The following TTC7A variants were observed in gnomAD, a reference collection of about 807,000 sequenced individuals.
The protein encoded by TTC7A is tetratricopeptide repeat domain 7A.
In TTC7A, 110 loss-of-function variants were observed where a neutral mutation model predicts 103.7. The observed-to-expected ratio is 1.06, with a 90% CI of 0.91 to 1.24. The LOEUF (loss-of-function observed/expected upper bound fraction) is 1.24. Ranked by LOEUF, TTC7A falls within the 50% of genes most tolerant of loss-of-function variation. The pLI is 0.00. For missense variants in TTC7A, 1,340 were observed against 1,116.3 expected (o/e 1.20, Z -2.86); for synonymous variants, 521 against 467.9 (o/e 1.11, Z -1.47).
intron 3 of TTC7A, among the ~76,000 whole-genome samples, chr2:46,967,883 CGA>C (rs1357771725): frequency 6.6e-6 from 1 of 152,046 alleles, no homozygotes; most frequent in Non-Finnish European, 1.5e-5. Context: ...GGTTTCCCCC[CGA>C]GAGCTGAATG....
chr2:46,936,859 ATTT>A (rs67502094), upstream of TTC7A, among the ~76,000 whole-genome samples: 2 of 142,880 alleles, frequency 1.4e-5, no homozygotes, highest in Non-Finnish European at 1.5e-5. Flanking sequence ...AGGATTCCAA[ATTT>A]TTTTTTTTTT....
intron 5 of TTC7A, among the ~76,000 whole-genome samples, chr2:46,986,849 C>T (rs925489799): frequency 2.0e-5 from 3 of 152,198 alleles, no homozygotes; most frequent in African/African-American, 7.2e-5. Context: ...CCACTGTGTA[C>T]GGTGGGTGGC....
intron 1 of TTC7A, chr2:46,917,153 T>G (rs1241344406): frequency 1.4e-6 from 1 of 700,556 alleles, no homozygotes; most frequent in Non-Finnish European, 2.6e-6. Flanking sequence ...AAAAATCCCA[T>G]AATCCCTAAT....
intron 19 of TTC7A, among the ~76,000 whole-genome samples, chr2:47,070,659 C>G (rs7605122): frequency 0.78 from 118,909 of 152,014 alleles, 46,657 homozygotes; most frequent in East Asian, 0.89. Context: ...AGCAGAGTCT[C>G]GAGCACTTGA....
intron 8 of TTC7A, among the ~76,000 whole-genome samples, chr2:46,997,212 C>T (rs1489773235): frequency 2.0e-5 from 3 of 152,082 alleles, no homozygotes; most frequent in Non-Finnish European, 4.4e-5. Context: ...CTCTTGACCT[C>T]AGGTGATCCA....
At chr2:46,952,576 C>A (rs1418746780) in intron 2 of TTC7A, among the ~76,000 whole-genome samples, 1 of 152,108 alleles carries the variant, frequency 6.6e-6, no homozygotes, top group Non-Finnish European at 1.5e-5. Flanking sequence ...CATGGTGAGA[C>A]CCCATCTCTA....
rs1406145118 is a variant in TTC7A at position 46,941,485 on chromosome 2, C to T, written c.-57C>T. ...CGAGTGCGCCCCAGCCAGGACGCCG[C>T]CCCCGGCCGGGTCTCCACTTCTTGG... On this transcript the variant is annotated 5_prime_UTR_variant, in exon 1 of 20. Coordinates refer to ENST00000319190, the MANE Select transcript of TTC7A (RefSeq NM_020458.4). The surrounding 1 kb of genome is among the most constrained non-coding windows in gnomAD (Gnocchi z 4.2). 3.3e-6 allele frequency: 5 copies of T among 1,521,090 alleles called. No homozygotes were observed. The highest frequency in any genetic ancestry group is 2.6e-5 in the East Asian group (1 of 37,878). 94.2% of individuals were successfully genotyped at this position (1,521,090 alleles called of 1,614,324 possible).
chr2:46,991,123 C>T (rs926814229), intron 5 of TTC7A, among the ~76,000 whole-genome samples: 1 of 151,970 alleles, frequency 6.6e-6, no homozygotes, highest in African/African-American at 2.4e-5. Context: ...ACCATGTTGG[C>T]CAGGCTGGTC....
chr2:47,034,293 C>G (rs1680877573), intron 15 of TTC7A: 1 of 152,248 alleles, frequency 6.6e-6, no homozygotes, highest in Non-Finnish European at 1.5e-5. Context: ...CAGGGGGCAG[C>G]AGCTCCCTAT....
At chr2:46,928,930 A>C (rs1669547033) in intron 2 of TTC7A, among the ~76,000 whole-genome samples, 1 of 152,194 alleles carries the variant, frequency 6.6e-6, no homozygotes, top group African/African-American at 2.4e-5. Context: ...TGGGAGGCTG[A>C]GGTGGGTGGA....
rs537662853 is a variant in TTC7A at position 47,047,684 on chromosome 2, A to C, written c.1919+1253A>C. ...TGGATGGCTGCTTGTCTCTTCCTCC[A>C]AGTGGTCAGTCGTGGTGGGACCCCT... On this transcript the variant is annotated intron_variant, in intron 16 of 19. Coordinates refer to ENST00000319190, the MANE Select transcript of TTC7A (RefSeq NM_020458.4). 2.0e-5 allele frequency among the ~76,000 whole-genome samples: 3 copies of C among 152,200 alleles called. 1 individual carries two copies. The highest frequency in any genetic ancestry group is 7.2e-5 in the African/African-American group (3 of 41,532).
At chr2:47,071,360 T>C (rs1166249429) in intron 19 of TTC7A, among the ~76,000 whole-genome samples, 2 of 152,088 alleles carry the variant, frequency 1.3e-5, no homozygotes, top group Admixed American at 1.3e-4. Context: ...CACCCTAGCC[T>C]ACAGTCCTCC....
At chr2:46,979,922 G>T (rs12052808) in intron 5 of TTC7A, among the ~76,000 whole-genome samples, 48,845 of 151,924 alleles carry the variant, frequency 0.32, 9,048 homozygotes, top group East Asian at 0.65. Context: ...GCCGTCCCCC[G>T]TGCGTAGTCA....
At chr2:47,021,311 C>T (rs1572933130) in intron 11 of TTC7A, among the ~76,000 whole-genome samples, 2 of 152,352 alleles carry the variant, frequency 1.3e-5, no homozygotes, top group South Asian at 2.1e-4. Context: ...GTGCCCCTCT[C>T]TTTGTGTCCC....
intron 3 of TTC7A, among the ~76,000 whole-genome samples, chr2:46,973,614 C>T (rs1006621967): frequency 4.6e-5 from 7 of 152,160 alleles, no homozygotes; most frequent in South Asian, 2.1e-4. Flanking sequence ...AATTCCCAGT[C>T]GAGGGACTGA....
chr2:46,933,163 A>G (rs529417275), intron 2 of TTC7A, among the ~76,000 whole-genome samples: 5 of 152,186 alleles, frequency 3.3e-5, no homozygotes, highest in African/African-American at 9.7e-5. Flanking sequence ...GGCCCATTGT[A>G]GCAGTCTTGC....
rs201527917 is a variant in TTC7A, at chr2:47,023,473, G to T, written c.1568+8G>T. On this transcript the variant is annotated splice_region_variant and intron_variant, in intron 13 of 19. Transcript: ENST00000319190. Reference sequence around the variant, plus strand: ...ACTGCAGACGCTGGAGAGGTGAGGAGGCTCCCACCTGCAGCAGAGGCCCCT... The same window carrying T: ...ACTGCAGACGCTGGAGAGGTGAGGATGCTCCCACCTGCAGCAGAGGCCCCT... 6.2e-7 allele frequency: 1 copy of T among 1,614,046 alleles called. No homozygotes were observed. Among genetic ancestry groups the T allele is most frequent in the East Asian group, 2.2e-5 (1 of 44,882 alleles).
At chr2:46,968,202 G>A (rs1171963118) in intron 3 of TTC7A, among the ~76,000 whole-genome samples, 1 of 152,200 alleles carries the variant, frequency 6.6e-6, no homozygotes, top group Non-Finnish European at 1.5e-5. Context: ...GCTCCAAATC[G>A]AAAGTTCTGA....
chr2:46,932,763 T>G (rs1669775628), intron 2 of TTC7A, among the ~76,000 whole-genome samples: 1 of 150,322 alleles, frequency 6.7e-6, no homozygotes, highest in Non-Finnish European at 1.5e-5. Flanking sequence ...TAGCCAAGAG[T>G]GGTGGTGCAT....
Sources: allele counts gnomAD v4.1 joint callset (sites outside exome capture counted in the v4.1 genomes callset), GRCh38; gene constraint gnomAD v4.1.1; non-coding constraint Gnocchi (gnomAD v3.1); transcripts MANE v1.5; gene names NCBI Gene and HGNC (gene_info 2026-07-23, HGNC 2026-07-21).